Variants in ARFGEF2 observed in about 807,000 individuals in gnomAD.
ARFGEF2 encodes the protein ARF guanine nucleotide exchange factor 2.
In ARFGEF2, 74 loss-of-function variants were observed where a neutral mutation model predicts 219.9. The ratio of observed to expected loss-of-function variants is 0.34; its 90% CI spans 0.28 to 0.41. The LOEUF is 0.41. Among genes scored for constraint, ARFGEF2 ranks in the 10% least tolerant of loss-of-function variants. ARFGEF2 has a pLI of 1.00. For synonymous variants in ARFGEF2, 733 were observed against 799.2 expected (o/e 0.92, Z 1.40); for missense variants, 1,743 against 2,218.3 (o/e 0.79, Z 4.30).
intron 35 of ARFGEF2, among the ~76,000 whole-genome samples, chr20:49,024,704 A>G (rs76759709): frequency 6.6e-6 from 1 of 152,202 alleles, no homozygotes; most frequent in South Asian, 2.1e-4. Flanking sequence ...ACATGTTTCA[A>G]GAATGCATTC....
At chr20:48,962,575 T>A (rs1053848611) in intron 6 of ARFGEF2, among the ~76,000 whole-genome samples, 3 of 152,214 alleles carry the variant, frequency 2.0e-5, no homozygotes, top group Admixed American at 2.0e-4. Flanking sequence ...GTAACAGTGA[T>A]CTAGTCTAAA....
chr20:48,929,366 G>A (rs2123274487), intron 1 of ARFGEF2, among the ~76,000 whole-genome samples: 1 of 152,274 alleles, frequency 6.6e-6, no homozygotes, highest in Middle Eastern at 3.4e-3. Flanking sequence ...TATATTTGTC[G>A]TTCTGAATAT....
chr20:48,932,344 G>A (rs1278086578), intron 1 of ARFGEF2, among the ~76,000 whole-genome samples: 1 of 152,180 alleles, frequency 6.6e-6, no homozygotes, highest in African/African-American at 2.4e-5. Flanking sequence ...ATGATTGGGA[G>A]GGGAGAGTTG....
chr20:48,961,245 A>G (rs1451012596), intron 6 of ARFGEF2, among the ~76,000 whole-genome samples: 1 of 151,516 alleles, frequency 6.6e-6, no homozygotes, highest in African/African-American at 2.4e-5. Flanking sequence ...GCACAAAAAT[A>G]TTTTTTCTTT....
At chr20:48,969,370 A>G in intron 9 of ARFGEF2, 93 bp downstream of exon 9, 1 of 1,608,330 alleles carries the variant, frequency 6.2e-7, no homozygotes, top group Non-Finnish European at 8.5e-7. Flanking sequence ...AAGAAGTTTC[A>G]GTGTCATGTC....
At chr20:49,019,431 C>T (rs1030864566) in intron 34 of ARFGEF2, among the ~76,000 whole-genome samples, 5 of 152,102 alleles carry the variant, frequency 3.3e-5, no homozygotes, top group African/African-American at 1.2e-4. Context: ...TTGTTTTATA[C>T]GATTGTCTAT....
intron 14 of ARFGEF2, 122 bp downstream of exon 14, chr20:48,976,321 C>T: frequency 8.0e-7 from 1 of 1,248,022 alleles, no homozygotes; most frequent in Non-Finnish European, 1.1e-6. Context: ...GCACTTGTAG[C>T]TAAGCCTGAT....
At chr20:48,926,617 C>G (rs2090878604) in intron 1 of ARFGEF2, among the ~76,000 whole-genome samples, 2 of 152,128 alleles carry the variant, frequency 1.3e-5, no homozygotes, top group African/African-American at 4.8e-5. Flanking sequence ...TACCACCCAC[C>G]TGGCTAATTT....
chr20:49,025,204 T>C (rs2091594232), intron 35 of ARFGEF2, 109 bp from the exon 36 acceptor site: 1 of 1,124,192 alleles, frequency 8.9e-7, no homozygotes, highest in East Asian at 2.6e-5. Context: ...GTGTGTCTTA[T>C]AGACAGGGAT....
At chr20:48,983,350 G>T (rs773888663) in intron 14 of ARFGEF2, among the ~76,000 whole-genome samples, 6 of 152,094 alleles carry the variant, frequency 3.9e-5, no homozygotes, top group Admixed American at 6.6e-5. Context: ...ACTTGTAAAT[G>T]ATTAGTTAAC....
At chr20:48,942,592 C>G (rs1389366504) in intron 3 of ARFGEF2, among the ~76,000 whole-genome samples, 1 of 144,280 alleles carries the variant, frequency 6.9e-6, no homozygotes, top group African/African-American at 2.5e-5. Flanking sequence ...TCAAGGGATT[C>G]TCCTGCCTCA....
rs548470834 is a variant in ARFGEF2, at chr20:48,953,465, C to T, written c.604-91C>T. 3.7e-5 allele frequency: 46 copies of T among 1,228,458 alleles called. 1 individual carries two copies. Among genetic ancestry groups the T allele is most frequent in the African/African-American group, 1.2e-4 (8 of 67,406 alleles). 76.1% of individuals were successfully genotyped at this position (1,228,458 alleles called of 1,614,324 possible). ...TGCTGAAATTATAGGCGTTAACCAC[C>T]GCGCCCAGCCCAGGAAATTTTTTAA... On this transcript the variant is annotated intron_variant, in intron 5 of 38. Coordinates refer to ENST00000371917, the MANE Select transcript of ARFGEF2 (RefSeq NM_006420.3).
intron 1 of ARFGEF2, among the ~76,000 whole-genome samples, chr20:48,940,593 G>A (rs553017214): frequency 1.4e-4 from 21 of 152,322 alleles, no homozygotes; most frequent in African/African-American, 3.8e-4. Context: ...AGGTAAGAAC[G>A]TGGCTGTAGA....
intron 16 of ARFGEF2, among the ~76,000 whole-genome samples, chr20:48,987,720 A>G (rs1039017148): frequency 6.6e-6 from 1 of 152,114 alleles, no homozygotes; most frequent in Non-Finnish European, 1.5e-5. Flanking sequence ...TTGGCCCCAG[A>G]TGCTTCTTAG....
At position 48,985,491 on chromosome 20, in the gene ARFGEF2, T is replaced by G; in HGVS notation, c.2154T>G (p.Cys718Trp). The G allele has an allele frequency of 6.2e-7, 1 of 1,614,188 alleles. No homozygotes were observed. Among genetic ancestry groups the G allele is most frequent in the Non-Finnish European group, 8.5e-7 (1 of 1,180,038 alleles). Residue 718 changes from cysteine to tryptophan, a missense_variant, in exon 16 of 39, where the codon TGT becomes TGG. Coordinates refer to ENST00000371917, the MANE Select transcript of ARFGEF2 (RefSeq NM_006420.3). ...MYAYVDQLDFCEKEFVSALRT... is the reference protein window; with the variant it reads ...MYAYVDQLDFWEKEFVSALRT... ...CCTACGTGGACCAACTTGACTTCTG[T>G]GAAAAAGAATTTGTCTCAGCCCTGC...
intron 1 of ARFGEF2, among the ~76,000 whole-genome samples, chr20:48,928,407 C>T (rs1024087561): frequency 1.4e-5 from 2 of 145,824 alleles, no homozygotes; most frequent in African/African-American, 5.1e-5. Context: ...ACCGTGTTAG[C>T]CAGGATGGTC....
Position 48,921,756 on chromosome 20 carries a change from A to T in ARFGEF2, c.-134A>T. Reference sequence around the variant, plus strand: ...CCAACATGGCGGCGCCGTGGGGCCGAGGTGTCGCTTCCTGACGGGGCGGCG... The same window carrying T: ...CCAACATGGCGGCGCCGTGGGGCCGTGGTGTCGCTTCCTGACGGGGCGGCG... On this transcript the variant is annotated 5_prime_UTR_variant, in exon 1 of 39. Coordinates refer to ENST00000371917, the MANE Select transcript of ARFGEF2 (RefSeq NM_006420.3). The T allele has an allele frequency of 1.1e-6, 1 of 934,542 alleles. No homozygotes were observed. The highest frequency in any genetic ancestry group is 1.3e-6 in the Non-Finnish European group (1 of 742,642). 57.9% of individuals were successfully genotyped at this position (934,542 alleles called of 1,614,324 possible).
At chr20:48,974,150 G>C (rs1445826559) in intron 12 of ARFGEF2, among the ~76,000 whole-genome samples, 1 of 90,950 alleles carries the variant, frequency 1.1e-5, no homozygotes, top group African/African-American at 4.4e-5. Context: ...TTTTGAGACA[G>C]AATCTCACTC....
intron 1 of ARFGEF2, among the ~76,000 whole-genome samples, chr20:48,936,924 C>A (rs2090962057): frequency 6.6e-6 from 1 of 152,068 alleles, no homozygotes; most frequent in East Asian, 1.9e-4. Context: ...CTGTTCATAT[C>A]CTTCGCCCAT....
Sources: gnomAD v4.1 joint callset for allele counts (sites outside exome capture counted in the v4.1 genomes callset) on GRCh38, gnomAD v4.1.1 for gene constraint, MANE v1.5 for transcripts, NCBI Gene and HGNC (gene_info 2026-07-23, HGNC 2026-07-21) for gene names.